Variants in GPHN observed in about 807,000 individuals in gnomAD.
The protein encoded by GPHN is gephyrin.
In GPHN, 17 loss-of-function variants were observed where a neutral mutation model predicts 95.5. The observed-to-expected ratio is 0.18, with a 90% CI of 0.12 to 0.27. GPHN has a LOEUF of 0.27. Ranked by LOEUF, GPHN falls within the 10% of genes least tolerant of loss-of-function variation. The pLI is 1.00. For missense variants in GPHN, 660 were observed against 978.1 expected (o/e 0.67, Z 4.34); for synonymous variants, 320 against 322.5 (o/e 0.99, Z 0.08).
chr14:67,599,409 A>G, the GPHN span, among the ~76,000 whole-genome samples: 1 of 152,240 alleles, frequency 6.6e-6, no homozygotes. Context: ...GAATCTGGAA[A>G]TTGAGCACAG....
rs77885247 is a variant in GPHN, at chr14:66,821,779, A to G, written c.202-2695A>G. 6.2e-3 allele frequency among the ~76,000 whole-genome samples: 945 copies of G among 152,316 alleles called. 5 individuals carry two copies. Among genetic ancestry groups the G allele is most frequent in the Non-Finnish European group, 9.1e-3 (620 of 68,014 alleles). On this transcript the variant is annotated intron_variant, in intron 3 of 22. Coordinates refer to ENST00000478722, the MANE Select transcript of GPHN (RefSeq NM_020806.5). ...TCACATGAAGTCTGCCATATATCAC[A>G]TTAGCTACTTTGGCCAACAAAATAT...
At chr14:67,037,293 T>C (rs2074469154) in intron 10 of GPHN, among the ~76,000 whole-genome samples, 2 of 151,896 alleles carry the variant, frequency 1.3e-5, no homozygotes. Flanking sequence ...TCAAAATGGA[T>C]TAAAGATCTA....
At chr14:66,605,625 G>T (rs1179067691) in intron 1 of GPHN, among the ~76,000 whole-genome samples, 2 of 149,062 alleles carry the variant, frequency 1.3e-5, no homozygotes, top group Admixed American at 6.8e-5. Flanking sequence ...TGCCCCCCAG[G>T]TTAACACCAT....
chr14:67,326,213 T>A, the GPHN span, among the ~76,000 whole-genome samples: 1 of 142,960 alleles, frequency 7.0e-6, no homozygotes, highest in Admixed American at 7.2e-5. Flanking sequence ...AATTTCAATT[T>A]AGGTCTGATT....
intron 4 of GPHN, among the ~76,000 whole-genome samples, chr14:66,834,320 A>C (rs2061703721): frequency 6.6e-6 from 1 of 152,200 alleles, no homozygotes; most frequent in Non-Finnish European, 1.5e-5. Context: ...GCTCCATAGT[A>C]AAATGGTGCC....
At chr14:67,390,822 C>T in the GPHN span, 1 of 1,021,478 alleles carries the variant, frequency 9.8e-7, no homozygotes, top group Non-Finnish European at 1.6e-6. Context: ...GCATGTAATG[C>T]CAAACCCCCA....
intron 9 of GPHN, among the ~76,000 whole-genome samples, chr14:67,011,390 T>C (rs2072993103): frequency 1.3e-5 from 2 of 148,348 alleles, no homozygotes; most frequent in South Asian, 2.1e-4. Context: ...CTGGACAACA[T>C]AGGGTGACCC....
At chr14:67,297,714 A>C in the GPHN span, among the ~76,000 whole-genome samples, 1 of 145,796 alleles carries the variant, frequency 6.9e-6, no homozygotes, top group East Asian at 2.1e-4. Flanking sequence ...CATAGTGTCT[A>C]TGTGGGTAAT....
chr14:67,327,939 A>G, the GPHN span, among the ~76,000 whole-genome samples: 23 of 152,216 alleles, frequency 1.5e-4, no homozygotes, highest in Admixed American at 1.4e-3. Flanking sequence ...GCTGCAGTCA[A>G]TGTACGTGTG....
intron 3 of GPHN, among the ~76,000 whole-genome samples, chr14:66,789,689 T>C (rs1482705723): frequency 5.9e-5 from 9 of 152,358 alleles, no homozygotes; most frequent in Non-Finnish European, 1.2e-4. Flanking sequence ...GTGATGATTT[T>C]ACTGTGCATT....
At chr14:67,443,300 A>T in the GPHN span, among the ~76,000 whole-genome samples, 1 of 152,214 alleles carries the variant, frequency 6.6e-6, no homozygotes, top group African/African-American at 2.4e-5. Context: ...ATGACTGCAT[A>T]AGACTTTTCT....
At chr14:67,326,664 GCTTT>G in the GPHN span, among the ~76,000 whole-genome samples, 8 of 152,008 alleles carry the variant, frequency 5.3e-5, no homozygotes, top group Non-Finnish European at 1.0e-4. Context: ...CCACTAATCT[GCTTT>G]CTGTCACTAT....
chr14:66,747,519 C>T (rs1174045794), intron 2 of GPHN, among the ~76,000 whole-genome samples: 3 of 151,622 alleles, frequency 2.0e-5, no homozygotes, highest in African/African-American at 7.3e-5. Context: ...TGACTCTTGG[C>T]CTGGGATTGC....
the GPHN span, chr14:67,395,393 G>A: frequency 3.5e-3 from 5,669 of 1,612,500 alleles, 18 homozygotes; most frequent in Non-Finnish European, 3.8e-3. Flanking sequence ...CGGCAAGTGG[G>A]GCACTCACTG....
the GPHN span, among the ~76,000 whole-genome samples, chr14:67,669,095 G>A: frequency 1.6e-4 from 25 of 152,098 alleles, no homozygotes; most frequent in African/African-American, 5.6e-4. Flanking sequence ...AAAACCCTGT[G>A]AAGTAGATAC....
intron 8 of GPHN, among the ~76,000 whole-genome samples, chr14:66,950,925 G>A (rs928426683): frequency 1.3e-5 from 2 of 151,838 alleles, no homozygotes; most frequent in Non-Finnish European, 2.9e-5. Flanking sequence ...TTTGTTTGTT[G>A]TTGTTTTGTT....
the GPHN span, among the ~76,000 whole-genome samples, chr14:67,368,300 C>T: frequency 2.0e-5 from 3 of 152,150 alleles, no homozygotes; most frequent in South Asian, 2.1e-4. Context: ...CCTTGACTTA[C>T]AGCAGGGAGA....
intron 2 of GPHN, among the ~76,000 whole-genome samples, chr14:66,698,060 A>G (rs2068233974): frequency 6.6e-6 from 1 of 152,168 alleles, no homozygotes; most frequent in African/African-American, 2.4e-5. Context: ...AGCACTTTGG[A>G]AATTGTGAAA....
intron 9 of GPHN, among the ~76,000 whole-genome samples, chr14:66,976,915 T>TGGG (rs34249632): frequency 4.5e-4 from 37 of 81,860 alleles, no homozygotes; most frequent in African/African-American, 1.6e-3. Flanking sequence ...CAGAAATATG[T>TGGG]GGGGGGGGGG....
Sources: allele counts gnomAD v4.1 joint callset (sites outside exome capture counted in the v4.1 genomes callset), GRCh38; gene constraint gnomAD v4.1.1; transcripts MANE v1.5; gene names NCBI Gene and HGNC (gene_info 2026-07-23, HGNC 2026-07-21).